The following BRD3 variants were observed in gnomAD, a reference collection of about 807,000 sequenced individuals.
BRD3 encodes bromodomain-containing protein 3.
Under a neutral mutation model 66.8 loss-of-function variants are expected in BRD3, and 17 were observed. That is an observed-to-expected ratio of 0.25 (90% confidence interval 0.17 to 0.38). The LOEUF (loss-of-function observed/expected upper bound fraction) is 0.38. Among genes scored for constraint, BRD3 ranks in the 10% least tolerant of loss-of-function variants. The pLI is 1.00. For missense variants in BRD3, 713 were observed against 956.1 expected, an observed-to-expected ratio of 0.75 and a Z score of 3.35; for synonymous variants, 421 against 393.2, an observed-to-expected ratio of 1.07 and a Z score of -0.84.
intron 2 of BRD3, among the ~76,000 whole-genome samples, chr9:134,052,988 C>T (rs1484692583): frequency 6.6e-6 from 1 of 152,246 alleles, no homozygotes; most frequent in African/African-American, 2.4e-5. Context: ...CCCAGTGAGC[C>T]TCGACTCCTA....
chr9:134,042,655 AC>A (rs1830075958), intron 7 of BRD3, among the ~76,000 whole-genome samples: 1 of 146,362 alleles, frequency 6.8e-6, no homozygotes, highest in African/African-American at 2.5e-5. Context: ...ATACACACAC[AC>A]ACACACACAC....
rs746380226 is a variant in BRD3 at position 134,036,349 on chromosome 9, G to A, written c.1644-25C>T. 8 of 1,579,766 alleles carry A rather than the reference G, an allele frequency of 5.1e-6. No homozygotes were observed. The South Asian group carries it at 9.4e-5, about 18-fold the overall frequency. On this transcript the variant is annotated intron_variant, in intron 9 of 11. Coordinates refer to ENST00000303407, the MANE Select transcript of BRD3 (RefSeq NM_007371.4). ...TCTGGGGCAGGAGACAGAGCAACGT[G>A]GTGTTGAGTCTCCGTCTACCTGCCG...
chr9:134,035,989 G>T (rs1829901042), intron 10 of BRD3, 43 bp downstream of exon 10: 3 of 1,554,146 alleles, frequency 1.9e-6, no homozygotes, highest in Non-Finnish European at 2.6e-6. Context: ...GGCCAAGGAG[G>T]GGAGAGGAAC....
chr9:134,061,911 C>T (rs1022534512), intron 1 of BRD3, among the ~76,000 whole-genome samples: 15 of 152,204 alleles, frequency 9.9e-5, no homozygotes, highest in Non-Finnish European at 1.5e-5. Context: ...GCCTGCTGCC[C>T]CCACAGCCCC....
intron 6 of BRD3, among the ~76,000 whole-genome samples, chr9:134,047,634 C>T (rs1588285680): frequency 2.0e-5 from 3 of 152,288 alleles, no homozygotes; most frequent in South Asian, 2.1e-4. Context: ...GGGGGTGGGG[C>T]TTGGAGGCAC....
At chr9:134,055,235 T>A (rs750673043) in intron 1 of BRD3, among the ~76,000 whole-genome samples, 59 of 152,186 alleles carry the variant, frequency 3.9e-4, no homozygotes, top group South Asian at 1.2e-3. Flanking sequence ...CACCGCAGGG[T>A]GATCCTGTTA....
At chr9:134,044,496 A>G (rs75291853) in intron 7 of BRD3, among the ~76,000 whole-genome samples, 1,974 of 152,312 alleles carry the variant, frequency 0.013, 32 homozygotes, top group African/African-American at 0.031. Context: ...ACACATACCC[A>G]TAATTCTCCC....
chr9:134,055,071 G>C (rs908943061), intron 1 of BRD3, among the ~76,000 whole-genome samples: 1 of 151,968 alleles, frequency 6.6e-6, no homozygotes, highest in Non-Finnish European at 1.5e-5. Flanking sequence ...TCACCGACCC[G>C]GTGCTCACAG....
chr9:134,053,183 C>T, intron 2 of BRD3, 82 bp downstream of exon 2: 1 of 1,501,158 alleles, frequency 6.7e-7, no homozygotes, highest in South Asian at 1.1e-5. Context: ...CAGAGGCAGT[C>T]TTTCCAGGAT....
At chr9:134,051,342 C>T (rs1285380565) in intron 4 of BRD3, among the ~76,000 whole-genome samples, 2 of 152,230 alleles carry the variant, frequency 1.3e-5, no homozygotes, top group Non-Finnish European at 2.9e-5. Context: ...CCAGCGTGGG[C>T]TCAAAGGCAG....
rs569143114 is a variant in BRD3 at position 134,051,377 on chromosome 9, G to C, written c.499+185C>G. Among the ~76,000 whole-genome samples the C allele has an allele frequency of 2.6e-5, 4 of 152,138 alleles. No homozygotes were observed. The East Asian group carries it at 7.7e-4, about 29-fold the overall frequency. ...GCCAGCTATGGCGTTAATGTCTTCC[G>C]TATCCCCGGGCCAGCTGCCCCTCCA... On this transcript the variant is annotated intron_variant, in intron 4 of 11. Coordinates refer to ENST00000303407, the MANE Select transcript of BRD3 (RefSeq NM_007371.4).
chr9:134,048,660 C>CT (rs1830228063), intron 5 of BRD3, among the ~76,000 whole-genome samples: 1 of 152,182 alleles, frequency 6.6e-6, no homozygotes. Context: ...GGCTGGGACT[C>CT]TCCCTCAGGA....
chr9:134,040,432 C>T (rs1300478610), intron 8 of BRD3, among the ~76,000 whole-genome samples, 163 bp from the exon 9 acceptor site: 5 of 152,136 alleles, frequency 3.3e-5, no homozygotes, highest in South Asian at 2.1e-4. Context: ...CCCTCACTCC[C>T]GTGACCCCCA....
chr9:134,064,548 GTAAA>G (rs749540518), intron 1 of BRD3, among the ~76,000 whole-genome samples: 38 of 151,342 alleles, frequency 2.5e-4, no homozygotes, highest in Non-Finnish European at 4.3e-4. Context: ...CTCAAAATAA[GTAAA>G]TAAATAAATG....
rs1315070930 is a variant in BRD3, at chr9:134,034,445, CTCTG to C, written c.2065+252_2065+255del. The C allele has an allele frequency of 2.9e-5, 14 of 483,762 alleles. No homozygotes were observed. In the East Asian group the frequency reaches 4.9e-4, roughly 17 times the overall value. The allele number at this position is 483,762 out of a possible 1,614,324, so 30.0% of individuals were successfully genotyped here. A position where few individuals can be genotyped will look rare whatever the true frequency, so the allele number is the denominator to read the frequency against. The stretch of plus-strand genomic sequence containing the variant: ...CACAAGAGCCCTCTCCTGGGGGGTC[CTCTG>C]TCTGTGGTGCCCTGGAATGGGCTGT... On this transcript the variant is annotated intron_variant, in intron 11 of 11. Transcript: ENST00000303407.
At chr9:134,051,872 T>G (rs1830307462) in intron 3 of BRD3, among the ~76,000 whole-genome samples, 163 bp from the exon 4 acceptor site, 2 of 108,260 alleles carry the variant, frequency 1.8e-5, no homozygotes, top group South Asian at 3.5e-4. Flanking sequence ...TGTGTGTGTG[T>G]GTGTGTTGTT....
At chr9:134,038,700 C>G (rs1829979833) in intron 9 of BRD3, among the ~76,000 whole-genome samples, 1 of 152,174 alleles carries the variant, frequency 6.6e-6, no homozygotes, top group African/African-American at 2.4e-5. Context: ...CTGAAACTGT[C>G]TGAGTCTTAA....
chr9:134,056,312 A>C (rs1441142278), intron 1 of BRD3, among the ~76,000 whole-genome samples: 1 of 152,180 alleles, frequency 6.6e-6, no homozygotes, highest in East Asian at 1.9e-4. Flanking sequence ...CACCAACCCC[A>C]ACAAGACCTG....
intron 8 of BRD3, among the ~76,000 whole-genome samples, chr9:134,040,738 G>A (rs1830026523): frequency 6.6e-6 from 1 of 152,200 alleles, no homozygotes; most frequent in Non-Finnish European, 1.5e-5. Flanking sequence ...GGACTCTCTA[G>A]AAGTTTAAAT....
Sources: allele counts gnomAD v4.1 joint callset (sites outside exome capture counted in the v4.1 genomes callset), GRCh38; gene constraint gnomAD v4.1.1; transcripts MANE v1.5; gene names NCBI Gene and HGNC (gene_info 2026-07-23, HGNC 2026-07-21).